RPH3A: variants seen among roughly 807,000 people sequenced by gnomAD.
The protein encoded by RPH3A is rabphilin 3A, also known as rabphilin-3A.
A neutral mutation model predicts 102.2 loss-of-function variants in RPH3A; 48 were observed. The observed-to-expected ratio is 0.47, with a 90% CI of 0.37 to 0.60. The LOEUF (loss-of-function observed/expected upper bound fraction) is 0.60, where lower values mean the gene tolerates loss of function less well. Among genes scored for constraint, RPH3A ranks in the 20% least tolerant of loss-of-function variants. RPH3A has a pLI of 0.00. For synonymous variants in RPH3A, 310 were observed against 324.3 expected, an observed-to-expected ratio of 0.96 and a Z score of 0.47; for missense variants, 781 against 910.1, an observed-to-expected ratio of 0.86 and a Z score of 1.83.
At chr12:112,798,512 C>A (rs1198916374) in intron 2 of RPH3A, among the ~76,000 whole-genome samples, 1 of 152,146 alleles carries the variant, frequency 6.6e-6, no homozygotes, top group Admixed American at 6.5e-5. Context: ...GGTTTTGGTG[C>A]CAGCCATTGA....
chr12:112,814,456 A>G (rs1239846436), intron 2 of RPH3A, among the ~76,000 whole-genome samples: 3 of 152,160 alleles, frequency 2.0e-5, no homozygotes, highest in African/African-American at 7.2e-5. Context: ...GGAGCCTATT[A>G]TCTATCAAAG....
intron 1 of RPH3A, among the ~76,000 whole-genome samples, chr12:112,676,037 A>G (rs1315262752): frequency 1.3e-5 from 2 of 152,080 alleles, no homozygotes; most frequent in Admixed American, 6.5e-5. Context: ...GCCTGGCAGG[A>G]GCTGGAGCCA....
upstream of RPH3A, chr12:112,791,582 G>A (rs2041101254): frequency 1.3e-5 from 2 of 151,894 alleles, no homozygotes; most frequent in African/African-American, 4.8e-5. Flanking sequence ...CAATCCCCTG[G>A]TTGCCGTTTC....
At chr12:112,705,205 C>A (rs1002957356) in intron 1 of RPH3A, among the ~76,000 whole-genome samples, 1 of 152,200 alleles carries the variant, frequency 6.6e-6, no homozygotes, top group Non-Finnish European at 1.5e-5. Context: ...AAGGGCATGG[C>A]TCAGAGATTG....
intron 1 of RPH3A, among the ~76,000 whole-genome samples, chr12:112,638,906 T>G (rs1427786145): frequency 2.0e-5 from 3 of 152,176 alleles, no homozygotes; most frequent in Non-Finnish European, 4.4e-5. Context: ...GGTTTTTCCC[T>G]TTCCTGGGTG....
At chr12:112,829,131 T>G (rs1333362431) in intron 3 of RPH3A, among the ~76,000 whole-genome samples, 2 of 152,242 alleles carry the variant, frequency 1.3e-5, no homozygotes, top group East Asian at 3.8e-4. Flanking sequence ...TGAACTTCTG[T>G]CGATCTTATA....
At chr12:112,670,496 A>G (rs1346947670) in intron 1 of RPH3A, among the ~76,000 whole-genome samples, 1 of 152,168 alleles carries the variant, frequency 6.6e-6, no homozygotes. Flanking sequence ...TTAGTTAACT[A>G]TTACTAGTTA....
chr12:112,689,775 A>C (rs2136021314), intron 1 of RPH3A, among the ~76,000 whole-genome samples: 1 of 152,364 alleles, frequency 6.6e-6, no homozygotes, highest in East Asian at 1.9e-4. Context: ...GGGAGAGGAC[A>C]GGAGTAGGGA....
At chr12:112,672,847 G>A (rs371837366) in intron 1 of RPH3A, among the ~76,000 whole-genome samples, 1 of 152,176 alleles carries the variant, frequency 6.6e-6, no homozygotes, top group African/African-American at 2.4e-5. Context: ...CCCAGCGCAG[G>A]TGCATGGTCT....
At chr12:112,783,182 G>A (rs113873893) in intron 1 of RPH3A, among the ~76,000 whole-genome samples, 4 of 152,280 alleles carry the variant, frequency 2.6e-5, no homozygotes, top group East Asian at 1.9e-4. Flanking sequence ...GTCGTGTCAC[G>A]TTAGGATTAC....
At chr12:112,673,684 A>G (rs2040151646) in intron 1 of RPH3A, among the ~76,000 whole-genome samples, 1 of 152,156 alleles carries the variant, frequency 6.6e-6, no homozygotes, top group Admixed American at 6.5e-5. Context: ...TGAGTTACAA[A>G]CAATCCAATC....
At chr12:112,583,937 T>C (rs1362783726) in intron 1 of RPH3A, among the ~76,000 whole-genome samples, 1 of 152,166 alleles carries the variant, frequency 6.6e-6, no homozygotes, top group African/African-American at 2.4e-5. Flanking sequence ...AGTGAGCCGA[T>C]ATTGTGCCAT....
chr12:112,583,089 G>A lies in RPH3A; in HGVS notation c.-140+7770G>A, dbSNP rs376736104. ...TATGTCAGAGGGAGGACAGTGGCTG[G>A]GAGGTAACTCTGACTTTCATGCTTT... On this transcript the variant is annotated intron_variant, in intron 1 of 21. Coordinates refer to the RPH3A transcript ENST00000543106. 4.6e-5 allele frequency among the ~76,000 whole-genome samples: 7 copies of A among 152,288 alleles called. No homozygotes were observed. In the East Asian group the frequency reaches 1.3e-3, roughly 29 times the overall value.
intron 1 of RPH3A, among the ~76,000 whole-genome samples, chr12:112,668,936 T>C (rs2040106415): frequency 6.6e-6 from 1 of 152,188 alleles, no homozygotes; most frequent in Non-Finnish European, 1.5e-5. Context: ...CAGAATAGAA[T>C]ACCAACATGG....
In RPH3A at chr12:112,657,535, C is replaced by T. The variant is rs77576734; in HGVS notation, c.-140+82216C>T. On this transcript the variant is annotated intron_variant, in intron 1 of 21. Coordinates refer to the RPH3A transcript ENST00000543106. ...ATAAATTTGATTAGACCAACATCACCGCAAGCAAATGAGTAATGCGTTATG... is the reference window on the plus strand; with the variant it reads ...ATAAATTTGATTAGACCAACATCACTGCAAGCAAATGAGTAATGCGTTATG... Among the ~76,000 whole-genome samples, 964 of 152,124 alleles carry T rather than the reference C, an allele frequency of 6.3e-3. 16 individuals are homozygous for T. Among genetic ancestry groups the T allele is most frequent in the African/African-American group, 0.023 (938 of 41,464 alleles).
intron 1 of RPH3A, among the ~76,000 whole-genome samples, chr12:112,711,276 A>G (rs2040459534): frequency 6.6e-6 from 1 of 152,164 alleles, no homozygotes; most frequent in Non-Finnish European, 1.5e-5. Flanking sequence ...TTTCTTGTGC[A>G]TACCCAAACT....
At chr12:112,707,693 A>C (rs991494329) in intron 1 of RPH3A, among the ~76,000 whole-genome samples, 2 of 152,262 alleles carry the variant, frequency 1.3e-5, no homozygotes, top group African/African-American at 4.8e-5. Context: ...CCAGAATGTG[A>C]CTAGGCCTTT....
chr12:112,836,564 G>A (rs377725548), intron 4 of RPH3A, 62 bp downstream of exon 4: 1 of 816,612 alleles, frequency 1.2e-6, no homozygotes. Flanking sequence ...CTCTTTCTCT[G>A]ATCAAGGTGG....
At chr12:112,833,708 AAGCAC>A (rs947865641) in intron 3 of RPH3A, among the ~76,000 whole-genome samples, 2 of 151,140 alleles carry the variant, frequency 1.3e-5, no homozygotes, top group Non-Finnish European at 2.9e-5. Flanking sequence ...GGGTAATTTA[AAGCAC>A]AGTTTGATAA....
Sources: gnomAD v4.1 joint callset for allele counts (sites outside exome capture counted in the v4.1 genomes callset) on GRCh38, gnomAD v4.1.1 for gene constraint, MANE v1.5 for transcripts, NCBI Gene and HGNC (gene_info 2026-07-23, HGNC 2026-07-21) for gene names.